NPAS2: variants seen among roughly 807,000 people sequenced by gnomAD.
NPAS2 encodes the protein neuronal PAS domain-containing protein 2.
Under a neutral mutation model 107.5 loss-of-function variants are expected in NPAS2, and 23 were observed. The ratio of observed to expected loss-of-function variants is 0.21; its 90% CI spans 0.15 to 0.30. The LOEUF (loss-of-function observed/expected upper bound fraction) is 0.30, where lower values mean the gene tolerates loss of function less well. Ranked by LOEUF, NPAS2 falls within the 10% of genes least tolerant of loss-of-function variation. The pLI, the probability that NPAS2 is intolerant of heterozygous loss-of-function variation, is 1.00. For missense variants in NPAS2, 756 were observed against 1,043.3 expected (o/e 0.72, Z 3.79); for synonymous variants, 403 against 417.5 (o/e 0.97, Z 0.42).
intron 1 of NPAS2, among the ~76,000 whole-genome samples, chr2:100,862,211 C>T (rs975600377): frequency 2.6e-5 from 4 of 152,162 alleles, no homozygotes; most frequent in South Asian, 4.1e-4. Context: ...TAAGTAGATG[C>T]GTAGTTCACA....
intron 12 of NPAS2, among the ~76,000 whole-genome samples, chr2:100,974,047 G>A (rs780274724): frequency 1.3e-5 from 2 of 152,142 alleles, no homozygotes; most frequent in Non-Finnish European, 2.9e-5. Flanking sequence ...TCACCATGTT[G>A]GCCAGGCTGG....
chr2:100,870,927 C>T (rs1679542967), intron 1 of NPAS2, among the ~76,000 whole-genome samples: 1 of 152,206 alleles, frequency 6.6e-6, no homozygotes. Flanking sequence ...CTAGTGGCAC[C>T]TTGGACTTTG....
intron 1 of NPAS2, among the ~76,000 whole-genome samples, chr2:100,863,574 A>T (rs906781732): frequency 7.2e-5 from 11 of 152,188 alleles, no homozygotes; most frequent in African/African-American, 2.7e-4. Flanking sequence ...ATTATATCTA[A>T]TGGGTCAGAA....
rs1676165287 is a variant in NPAS2 at position 100,965,572 on chromosome 2, G to A, written c.801-88G>A. The A allele has an allele frequency of 1.3e-6, 1 of 755,746 alleles. No homozygotes were observed. Among genetic ancestry groups the A allele is most frequent in the Non-Finnish European group, 2.3e-6 (1 of 442,632 alleles). 46.8% of individuals were successfully genotyped at this position (755,746 alleles called of 1,614,324 possible). A position where few individuals can be genotyped will look rare whatever the true frequency, so the allele number is the denominator to read the frequency against. ...TGTTCTTGAGAAATGAGGCCTCCAT[G>A]TTGATCATTATGGAAAGGCATGGCC... On this transcript the variant is annotated intron_variant, in intron 9 of 20. Transcript: ENST00000335681. The surrounding 1 kb of genome is among the most constrained non-coding windows in gnomAD (Gnocchi z 4.3).
At position 100,995,839 on chromosome 2, in the gene NPAS2, G is replaced by T; in HGVS notation, c.*257G>T. On this transcript the variant is annotated 3_prime_UTR_variant, in exon 21 of 21. Transcript: ENST00000335681. ...TAGCCATACTGGACAGGAACCAGGT[G>T]CCCCGTGTAGGCATCGTCGGTCGGT... 1 of 1,532,166 alleles carries T rather than the reference G, an allele frequency of 6.5e-7. No individual in the cohort carries two copies. Among genetic ancestry groups the T allele is most frequent in the Non-Finnish European group, 8.8e-7 (1 of 1,135,820 alleles). The allele number at this position is 1,532,166 out of a possible 1,614,324, so 94.9% of individuals were successfully genotyped here. A position where few individuals can be genotyped will look rare whatever the true frequency, so the allele number is the denominator to read the frequency against.
chr2:100,953,822 C>T (rs1044112190), intron 7 of NPAS2, among the ~76,000 whole-genome samples: 1 of 152,220 alleles, frequency 6.6e-6, no homozygotes, highest in Non-Finnish European at 1.5e-5. Flanking sequence ...TGGCATTCTG[C>T]TGATCCATGA....
chr2:100,988,183 G>A lies in NPAS2; in HGVS notation c.1734G>A (p.Gln578=), dbSNP rs1677885206. Residue 578 remains glutamine, a synonymous_variant, in exon 17 of 21, where the codon CAG becomes CAA. Coordinates refer to ENST00000335681, the MANE Select transcript of NPAS2 (RefSeq NM_002518.4). ...GGTCAGCTGCAGTGACTCAGCCCCA[G>A]CTCGGGGCGGGCCCCCAACTTCCAG... ...QQRSAAVTQP[Q]LGAGPQLPGQ... is the part of the protein sequence containing the mutation. 3 of 1,614,194 alleles carry A rather than the reference G, an allele frequency of 1.9e-6. No individual in the cohort carries two copies. The highest frequency in any genetic ancestry group is 3.3e-5 in the Admixed American group (2 of 60,032).
intron 1 of NPAS2, chr2:100,821,171 C>A: frequency 7.7e-7 from 1 of 1,304,700 alleles, no homozygotes; most frequent in Middle Eastern, 2.1e-4. Flanking sequence ...AGTCCCGCTC[C>A]TCTGCTTGCC....
intron 1 of NPAS2, among the ~76,000 whole-genome samples, chr2:100,874,080 G>A (rs991367445): frequency 4.0e-5 from 6 of 151,700 alleles, no homozygotes; most frequent in African/African-American, 1.5e-4. Context: ...ACCTGGGTTC[G>A]AGCCTTCTGT....
chr2:100,978,501 T>C (rs1677178180), intron 15 of NPAS2, among the ~76,000 whole-genome samples: 2 of 151,462 alleles, frequency 1.3e-5, no homozygotes, highest in South Asian at 4.2e-4. Context: ...AGTCCAGCAC[T>C]ATAAATATCA....
chr2:100,845,712 T>C (rs1314726874), intron 1 of NPAS2, among the ~76,000 whole-genome samples: 1 of 152,158 alleles, frequency 6.6e-6, no homozygotes, highest in East Asian at 1.9e-4. Context: ...GGGATTCACA[T>C]CAGAGAACTG....
intron 7 of NPAS2, among the ~76,000 whole-genome samples, chr2:100,955,553 G>A (rs1675517957): frequency 1.3e-5 from 2 of 152,302 alleles, no homozygotes; most frequent in African/African-American, 4.8e-5. Context: ...GGGATAGAGT[G>A]CACTTATATG....
intron 20 of NPAS2, chr2:100,994,230 C>T (rs1678314531): frequency 6.6e-6 from 1 of 152,434 alleles, no homozygotes; most frequent in Non-Finnish European, 1.5e-5. Flanking sequence ...TGCAGCCCCA[C>T]CTGCACCTGC....
At chr2:100,876,777 A>G (rs1679996819) in intron 1 of NPAS2, among the ~76,000 whole-genome samples, 2 of 152,132 alleles carry the variant, frequency 1.3e-5, no homozygotes, top group African/African-American at 2.4e-5. Context: ...TCCCGGAGCC[A>G]TGCACACCAA....
At chr2:100,961,345 A>G (rs1231104746) in intron 7 of NPAS2, among the ~76,000 whole-genome samples, 1 of 152,170 alleles carries the variant, frequency 6.6e-6, no homozygotes, top group African/African-American at 2.4e-5. Context: ...TGTTCAAAGT[A>G]TCTTCTTTGC....
chr2:100,879,185 T>C (rs1680176879), intron 1 of NPAS2, among the ~76,000 whole-genome samples: 1 of 152,174 alleles, frequency 6.6e-6, no homozygotes, highest in Non-Finnish European at 1.5e-5. Context: ...GGGCACATGT[T>C]GCTAAACATG....
At chr2:100,979,592 C>A (rs1677308109) in intron 15 of NPAS2, among the ~76,000 whole-genome samples, 1 of 145,638 alleles carries the variant, frequency 6.9e-6, no homozygotes, top group African/African-American at 2.5e-5. Flanking sequence ...TGGCTCACTG[C>A]AACCTCCACC....
intron 4 of NPAS2, among the ~76,000 whole-genome samples, chr2:100,933,380 A>G (rs1385531088): frequency 1.3e-5 from 2 of 152,222 alleles, no homozygotes; most frequent in Non-Finnish European, 2.9e-5. Flanking sequence ...TTAGACTGCT[A>G]TGATTATACA....
intron 1 of NPAS2, among the ~76,000 whole-genome samples, chr2:100,852,368 G>T (rs1181821033): frequency 6.6e-6 from 1 of 152,114 alleles, no homozygotes; most frequent in Non-Finnish European, 1.5e-5. Context: ...CTGCGCTCCA[G>T]CCTGGGTGAC....
Sources: allele counts gnomAD v4.1 joint callset (sites outside exome capture counted in the v4.1 genomes callset), GRCh38; gene constraint gnomAD v4.1.1; non-coding constraint Gnocchi (gnomAD v3.1); transcripts MANE v1.5; gene names NCBI Gene and HGNC (gene_info 2026-07-23, HGNC 2026-07-21).